Variants in GLRA2 observed in about 807,000 individuals in gnomAD.
The protein encoded by GLRA2 is glycine receptor alpha 2.
A neutral mutation model predicts 31.6 loss-of-function variants in GLRA2; 11 were observed. That is an observed-to-expected ratio of 0.35 (90% CI 0.22 to 0.58). The LOEUF (loss-of-function observed/expected upper bound fraction) is 0.58, where lower values mean the gene tolerates loss of function less well. Among genes scored for constraint, GLRA2 ranks in the 20% least tolerant of loss-of-function variants. The probability of loss-of-function intolerance (pLI) is 0.84; values close to 1 mark genes in which losing one functional copy is unlikely to be tolerated. For synonymous variants in GLRA2, 132 were observed against 134.0 expected (o/e 0.99, Z 0.10); for missense variants, 212 against 351.8 (o/e 0.60, Z 3.18).
At chrX:14,721,323 A>C (rs888906990) in intron 8 of GLRA2, among the ~76,000 whole-genome samples, 1 of 66,923 alleles carries the variant, frequency 1.5e-5, no homozygotes, top group African/African-American at 6.9e-5. Context: ...ATAGATTTTA[A>C]GTGTTCTCAC....
intron 8 of GLRA2, among the ~76,000 whole-genome samples, chrX:14,701,208 G>C (rs1224127027): frequency 5.4e-5 from 6 of 110,979 alleles, no homozygotes; most frequent in African/African-American, 2.0e-4. Context: ...ACCCACAGAA[G>C]TTTTCTCAAG....
At chrX:14,574,583 C>T in intron 3 of GLRA2, 183 bp downstream of exon 3, 2 of 1,087,265 alleles carry the variant, frequency 1.8e-6, no homozygotes, top group South Asian at 1.8e-5. Context: ...AGCATTGAAG[C>T]CATCGTGTGA....
At chrX:14,505,520 C>A in the GLRA2 span, among the ~76,000 whole-genome samples, 6 of 111,457 alleles carry the variant, frequency 5.4e-5, no homozygotes, top group African/African-American at 1.6e-4. Context: ...GAGATACAGA[C>A]AATTTGAGGG....
intron 7 of GLRA2, among the ~76,000 whole-genome samples, chrX:14,665,727 TA>T (rs2091032713): frequency 8.9e-6 from 1 of 112,235 alleles, no homozygotes; most frequent in Non-Finnish European, 1.9e-5. Context: ...TCCATAGACA[TA>T]AATCCCCTGG....
At chrX:14,570,073 G>A (rs2089863068) in intron 2 of GLRA2, among the ~76,000 whole-genome samples, 1 of 111,732 alleles carries the variant, frequency 8.9e-6, no homozygotes, top group Admixed American at 9.5e-5. Context: ...AAGTAGATTA[G>A]AGGTTACCAG....
At chrX:14,527,530 G>A (rs183313484), upstream of GLRA2, among the ~76,000 whole-genome samples, 814 of 109,094 alleles carry the variant, frequency 7.5e-3, 8 homozygotes, top group African/African-American at 0.025. Flanking sequence ...CAGGAGAATC[G>A]CTTGAACCCG....
chrX:14,456,945 T>C, the GLRA2 span, among the ~76,000 whole-genome samples: 2 of 111,915 alleles, frequency 1.8e-5, no homozygotes, highest in African/African-American at 6.5e-5. Context: ...CTGTTCTCCA[T>C]AGTGGCTGTA....
intron 4 of GLRA2, among the ~76,000 whole-genome samples, chrX:14,602,634 G>A (rs1194207833): frequency 1.8e-5 from 2 of 110,799 alleles, no homozygotes; most frequent in Non-Finnish European, 3.8e-5. Context: ...TTATGCCTTT[G>A]CATCCTCATA....
At chrX:14,658,391 A>G (rs2090959918) in intron 7 of GLRA2, among the ~76,000 whole-genome samples, 1 of 111,721 alleles carries the variant, frequency 9.0e-6, no homozygotes, top group Non-Finnish European at 1.9e-5. Context: ...CATTATCTTT[A>G]AAAAGTCCAG....
the GLRA2 span, among the ~76,000 whole-genome samples, chrX:14,521,505 ACAC>A: frequency 5.4e-5 from 6 of 111,754 alleles, no homozygotes; most frequent in African/African-American, 2.0e-4. Context: ...ATTGAGAATT[ACAC>A]CATTTGCTTC....
chrX:14,469,503 T>C, the GLRA2 span, among the ~76,000 whole-genome samples: 1 of 108,041 alleles, frequency 9.3e-6, no homozygotes, highest in African/African-American at 3.4e-5. Flanking sequence ...CACCATGGAA[T>C]ACTATGCAGC....
the GLRA2 span, among the ~76,000 whole-genome samples, chrX:14,496,497 G>A: frequency 9.0e-6 from 1 of 111,686 alleles, no homozygotes; most frequent in East Asian, 2.8e-4. Context: ...AAGGCAAGTG[G>A]AAAGACTGTT....
At chrX:14,467,370 G>A in the GLRA2 span, among the ~76,000 whole-genome samples, 1 of 111,933 alleles carries the variant, frequency 8.9e-6, no homozygotes, top group Non-Finnish European at 1.9e-5. Context: ...AGTACTATGA[G>A]GTTCTGCATT....
chrX:14,450,700 T>C, the GLRA2 span, among the ~76,000 whole-genome samples: 104 of 111,600 alleles, frequency 9.3e-4, no homozygotes, highest in Admixed American at 2.9e-3. Context: ...GGGCCTATTT[T>C]AGCATTCTGT....
the GLRA2 span, among the ~76,000 whole-genome samples, chrX:14,471,010 C>A: frequency 9.0e-6 from 1 of 110,965 alleles, no homozygotes; most frequent in Non-Finnish European, 1.9e-5. Context: ...AAAAGAAAGC[C>A]CCAGCAAATA....
At chrX:14,681,120 A>G (rs1272203397) in intron 7 of GLRA2, among the ~76,000 whole-genome samples, 1 of 112,396 alleles carries the variant, frequency 8.9e-6, no homozygotes, top group South Asian at 3.7e-4. Flanking sequence ...TTTGTTACAT[A>G]TGTATACATG....
intron 8 of GLRA2, among the ~76,000 whole-genome samples, chrX:14,706,632 G>T (rs1432878998): frequency 9.0e-6 from 1 of 111,423 alleles, no homozygotes; most frequent in Non-Finnish European, 1.9e-5. Context: ...GGTATTAGGA[G>T]CCAAATGGGA....
chrX:14,471,790 CT>C, the GLRA2 span, among the ~76,000 whole-genome samples: 2 of 112,111 alleles, frequency 1.8e-5, no homozygotes, highest in Non-Finnish European at 3.8e-5. Flanking sequence ...TCATTAACCA[CT>C]ATAGAAATCC....
chrX:14,649,719 A>C (rs1228720258), intron 7 of GLRA2, among the ~76,000 whole-genome samples: 1 of 111,950 alleles, frequency 8.9e-6, no homozygotes, highest in African/African-American at 3.2e-5. Flanking sequence ...CTAATATTTA[A>C]GTTTTCTCTG....
Sources: gnomAD v4.1 joint callset for allele counts (sites outside exome capture counted in the v4.1 genomes callset) on GRCh38, gnomAD v4.1.1 for gene constraint, MANE v1.5 for transcripts, NCBI Gene and HGNC (gene_info 2026-07-23, HGNC 2026-07-21) for gene names.